Variants in RBM27 observed in about 807,000 individuals in gnomAD.
The protein encoded by RBM27 is RNA binding motif protein 27.
In RBM27, 22 loss-of-function variants were observed where a neutral mutation model predicts 135.3. That is an observed-to-expected ratio of 0.16 (90% CI 0.12 to 0.23). The LOEUF is 0.23. Among genes scored for constraint, RBM27 ranks in the 10% least tolerant of loss-of-function variants. The pLI is 1.00. For missense variants in RBM27, 1,009 were observed against 1,281.0 expected, an observed-to-expected ratio of 0.79 and a Z score of 3.24; for synonymous variants, 481 against 442.4, an observed-to-expected ratio of 1.09 and a Z score of -1.10.
At chr5:146,228,748 G>C (rs536389713) in intron 3 of RBM27, among the ~76,000 whole-genome samples, 198 bp from the exon 4 acceptor site, 1 of 151,958 alleles carries the variant, frequency 6.6e-6, no homozygotes, top group Non-Finnish European at 1.5e-5. Context: ...CTACATACAG[G>C]TGCATCCCAC....
intron 2 of RBM27, among the ~76,000 whole-genome samples, chr5:146,221,367 T>G (rs1184279898): frequency 6.6e-6 from 1 of 152,228 alleles, no homozygotes; most frequent in Non-Finnish European, 1.5e-5. Context: ...TATCTGTACT[T>G]TCCATTTCAG....
At chr5:146,270,611 A>G (rs1174350301) in intron 17 of RBM27, among the ~76,000 whole-genome samples, 2 of 152,178 alleles carry the variant, frequency 1.3e-5, no homozygotes, top group Non-Finnish European at 1.5e-5. Context: ...ACTTTGTATT[A>G]TAAATACATT....
intron 1 of RBM27, among the ~76,000 whole-genome samples, chr5:146,206,296 G>A (rs116396687): frequency 2.8e-5 from 3 of 106,052 alleles, no homozygotes; most frequent in Admixed American, 9.1e-5. Context: ...AGTGCTTTTC[G>A]TTTTTTGTTT....
intron 1 of RBM27, among the ~76,000 whole-genome samples, chr5:146,218,368 T>C (rs912202284): frequency 6.6e-6 from 1 of 152,236 alleles, no homozygotes; most frequent in Non-Finnish European, 1.5e-5. Context: ...ACCACTTCTC[T>C]TTTCCTTTCT....
intron 8 of RBM27, among the ~76,000 whole-genome samples, chr5:146,243,093 G>C (rs1465566401): frequency 6.6e-6 from 1 of 151,382 alleles, no homozygotes; most frequent in Non-Finnish European, 1.5e-5. Flanking sequence ...TGGTGAAATC[G>C]CATCTCTACT....
At chr5:146,282,782 C>T (rs1759417270) in intron 19 of RBM27, among the ~76,000 whole-genome samples, 1 of 152,162 alleles carries the variant, frequency 6.6e-6, no homozygotes, top group Non-Finnish European at 1.5e-5. Flanking sequence ...GAGTGAACCC[C>T]ATCAGTTTTA....
At position 146,203,831 on chromosome 5, in the gene RBM27, G is replaced by C; in HGVS notation, c.59+7G>C. The C allele has an allele frequency of 3.9e-6, 6 of 1,547,642 alleles. No individual in the cohort carries two copies. The highest frequency in any genetic ancestry group is 5.2e-6 in the Non-Finnish European group (6 of 1,145,422). On this transcript the variant is annotated splice_region_variant and intron_variant, in intron 1 of 20. Transcript: ENST00000265271. ...CCAAGTTACTGGAGCCGATGTGAGT[G>C]AGCCGGGCTGGGCCGGGGCCGGCGA... is the stretch of plus-strand genomic sequence containing the variant.
rs1281395241 is a variant in RBM27, at chr5:146,271,594, G to T, written c.2908G>T (p.Val970Leu). 1.2e-6 allele frequency: 2 copies of T among 1,613,848 alleles called. No homozygotes were observed. Among genetic ancestry groups the T allele is most frequent in the Non-Finnish European group, 1.7e-6 (2 of 1,179,782 alleles). The change falls in exon 19 of 21, where the codon GTG becomes TTG. Residue 970 changes from valine (V) to leucine (L), a missense_variant. Val to Leu is a conservative substitution (Grantham distance 32). Transcript: ENST00000265271. Reference protein sequence around the residue: ...GRGRGSLNHMVVDHRPKALTV... With the variant: ...GRGRGSLNHMLVDHRPKALTV... ...AGGAAGGGGCTCACTAAATCACATG[G>T]TGGTGGACCATCGTCCCAAAGCACT...
chr5:146,224,531 T>C (rs1226913980), intron 3 of RBM27, among the ~76,000 whole-genome samples: 1 of 151,706 alleles, frequency 6.6e-6, no homozygotes, highest in Non-Finnish European at 1.5e-5. Flanking sequence ...AAATACAAAA[T>C]ATTAGTTGGG....
At chr5:146,220,706 A>G (rs1756423623) in intron 2 of RBM27, among the ~76,000 whole-genome samples, 2 of 152,118 alleles carry the variant, frequency 1.3e-5, no homozygotes, top group Non-Finnish European at 2.9e-5. Context: ...GAAACAAAGC[A>G]ATACTGACAG....
intron 12 of RBM27, 102 bp downstream of exon 12, chr5:146,261,000 C>A: frequency 8.5e-7 from 1 of 1,180,066 alleles, no homozygotes; most frequent in Non-Finnish European, 1.2e-6. Context: ...TTATTCTGAT[C>A]ATCTCTGCTA....
chr5:146,235,864 G>A (rs1757138337), intron 7 of RBM27, among the ~76,000 whole-genome samples: 1 of 151,770 alleles, frequency 6.6e-6, no homozygotes, highest in Admixed American at 6.6e-5. Context: ...AATTTTTTTG[G>A]ACTTTTTTGT....
At chr5:146,251,898 A>G (rs559191162) in intron 9 of RBM27, 23 bp downstream of exon 9, 7 of 1,609,068 alleles carry the variant, frequency 4.4e-6, no homozygotes, top group African/African-American at 1.3e-5. Flanking sequence ...ACAGATGGCC[A>G]TCCACCTCAC....
chr5:146,205,158 A>G (rs938286804), intron 1 of RBM27, among the ~76,000 whole-genome samples: 9 of 152,248 alleles, frequency 5.9e-5, no homozygotes, highest in African/African-American at 2.2e-4. Flanking sequence ...TTGGCCTCCC[A>G]AAGTGCTGGG....
At chr5:146,227,808 G>A (rs1173034245) in intron 3 of RBM27, among the ~76,000 whole-genome samples, 2 of 152,100 alleles carry the variant, frequency 1.3e-5, no homozygotes, top group South Asian at 2.1e-4. Flanking sequence ...CAATTTTGAC[G>A]GTTAGGCTTT....
At chr5:146,250,459 T>G (rs1205871968) in intron 8 of RBM27, among the ~76,000 whole-genome samples, 1 of 150,972 alleles carries the variant, frequency 6.6e-6, no homozygotes, top group East Asian at 1.9e-4. Flanking sequence ...ATCCACTTTA[T>G]TTTGTCTTGT....
At chr5:146,276,293 C>T (rs991556849) in intron 19 of RBM27, among the ~76,000 whole-genome samples, 2 of 152,078 alleles carry the variant, frequency 1.3e-5, no homozygotes, top group Non-Finnish European at 2.9e-5. Context: ...TATGAAATTG[C>T]ATACGACAGA....
chr5:146,204,274 G>A (rs952551144), intron 1 of RBM27, among the ~76,000 whole-genome samples: 5 of 152,124 alleles, frequency 3.3e-5, no homozygotes, highest in African/African-American at 1.2e-4. Flanking sequence ...GCAAAATATC[G>A]AGGGCATTTT....
chr5:146,258,785 A>T (rs562871738), intron 11 of RBM27, among the ~76,000 whole-genome samples, 192 bp downstream of exon 11: 119 of 148,788 alleles, frequency 8.0e-4, no homozygotes, highest in African/African-American at 2.2e-3. Flanking sequence ...TTTTTTTTTT[A>T]AAAGACGTAG....
Sources: allele counts gnomAD v4.1 joint callset (sites outside exome capture counted in the v4.1 genomes callset), GRCh38; gene constraint gnomAD v4.1.1; transcripts MANE v1.5; gene names NCBI Gene and HGNC (gene_info 2026-07-23, HGNC 2026-07-21).